Variants in CDC42BPA observed in about 807,000 individuals in gnomAD.
The protein encoded by CDC42BPA is CDC42 binding protein kinase alpha, also known as serine/threonine-protein kinase MRCK alpha.
A neutral mutation model predicts 223.5 loss-of-function variants in CDC42BPA; 80 were observed. The observed-to-expected ratio is 0.36, with a 90% CI of 0.30 to 0.43. The LOEUF (loss-of-function observed/expected upper bound fraction) is 0.43. Ranked by LOEUF, CDC42BPA falls within the 20% of genes least tolerant of loss-of-function variation. CDC42BPA has a pLI of 1.00. For synonymous variants in CDC42BPA, 694 were observed against 718.6 expected (o/e 0.97, Z 0.55); for missense variants, 1,743 against 2,099.9 (o/e 0.83, Z 3.32).
intron 2 of CDC42BPA, among the ~76,000 whole-genome samples, chr1:227,227,597 T>C (rs1341484886): frequency 1.3e-5 from 2 of 152,184 alleles, no homozygotes; most frequent in Non-Finnish European, 2.9e-5. Context: ...GGCATCAAAA[T>C]TAAGTGCATC....
At chr1:227,058,467 T>C (rs771768297) in intron 21 of CDC42BPA, among the ~76,000 whole-genome samples, 3 of 152,212 alleles carry the variant, frequency 2.0e-5, no homozygotes, top group Non-Finnish European at 4.4e-5. Flanking sequence ...CGGAGATGAC[T>C]GGTGAACATT....
At chr1:227,276,593 A>G (rs1687100045) in intron 1 of CDC42BPA, among the ~76,000 whole-genome samples, 1 of 152,196 alleles carries the variant, frequency 6.6e-6, no homozygotes. Context: ...CAGCTCCTTG[A>G]GAGCGGGCCA....
intron 32 of CDC42BPA, among the ~76,000 whole-genome samples, 153 bp downstream of exon 32, chr1:227,023,110 A>C (rs1019933720): frequency 6.6e-6 from 1 of 152,204 alleles, no homozygotes; most frequent in Non-Finnish European, 1.5e-5. Flanking sequence ...ATATATTAAG[A>C]ATGTGATAGT....
In CDC42BPA at chr1:227,127,797, T is replaced by C. The variant is rs79869925; in HGVS notation, c.1513+1312A>G. Among the ~76,000 whole-genome samples, 703 of 152,316 alleles carry C rather than the reference T, an allele frequency of 4.6e-3. 6 individuals are homozygous for C. The highest frequency in any genetic ancestry group is 0.016 in the African/African-American group (677 of 41,564). ...ATTATGCTCAAAACTAAGATCTCCA[T>C]ATATTTAATATAAACAAAGTATTAA... On this transcript the variant is annotated intron_variant, in intron 11 of 36. Coordinates refer to ENST00000366766, the MANE Select transcript of CDC42BPA (RefSeq NM_001394014.1).
chr1:227,104,038 A>G (rs1461248824), intron 14 of CDC42BPA, among the ~76,000 whole-genome samples: 1 of 152,136 alleles, frequency 6.6e-6, no homozygotes, highest in Admixed American at 6.6e-5. Context: ...TCAAAAAGTA[A>G]AATTTTTACT....
chr1:227,055,678 T>C (rs1674399159), intron 21 of CDC42BPA, among the ~76,000 whole-genome samples: 2 of 152,134 alleles, frequency 1.3e-5, no homozygotes, highest in Admixed American at 6.6e-5. Context: ...GCTAAAATAC[T>C]ATAGCATTAA....
intron 24 of CDC42BPA, 65 bp from the exon 25 acceptor site, chr1:227,035,672 C>A: frequency 8.5e-7 from 1 of 1,178,492 alleles, no homozygotes; most frequent in Non-Finnish European, 1.2e-6. Context: ...ATTCGTAACA[C>A]TCACTGCATA....
At chr1:227,181,036 A>T (rs1667848220) in intron 5 of CDC42BPA, among the ~76,000 whole-genome samples, 1 of 152,272 alleles carries the variant, frequency 6.6e-6, no homozygotes, top group African/African-American at 2.4e-5. Flanking sequence ...TCTACTCCCA[A>T]ATTTTGTATT....
intron 9 of CDC42BPA, among the ~76,000 whole-genome samples, chr1:227,142,457 A>T (rs1659861367): frequency 1.3e-5 from 2 of 152,204 alleles, no homozygotes. Context: ...CTCCAAAACG[A>T]GTTAAGATTT....
chr1:227,019,933 G>A (rs1341204185), intron 32 of CDC42BPA, among the ~76,000 whole-genome samples: 1 of 150,514 alleles, frequency 6.6e-6, no homozygotes, highest in African/African-American at 2.4e-5. Flanking sequence ...TTTCGCCCTT[G>A]TTGCCCAGGC....
intron 1 of CDC42BPA, among the ~76,000 whole-genome samples, chr1:227,287,365 T>C (rs1302800470): frequency 6.6e-6 from 1 of 152,236 alleles, no homozygotes; most frequent in African/African-American, 2.4e-5. Flanking sequence ...CTGGTAAGAA[T>C]GGCTCACTGT....
chr1:227,121,428 T>C (rs556594551), intron 11 of CDC42BPA, among the ~76,000 whole-genome samples: 28 of 152,366 alleles, frequency 1.8e-4, no homozygotes, highest in Admixed American at 9.8e-4. Context: ...GTATCATGCA[T>C]TGTATAGTTC....
At chr1:227,179,279 A>G (rs1374268220) in intron 5 of CDC42BPA, among the ~76,000 whole-genome samples, 1 of 152,178 alleles carries the variant, frequency 6.6e-6, no homozygotes, top group South Asian at 2.1e-4. Context: ...AATATCTGTG[A>G]ATATACCAAA....
rs749021206 is a variant in CDC42BPA, at chr1:227,069,764, G to C, written c.2904+13C>G. On this transcript the variant is annotated intron_variant, in intron 21 of 36. Transcript: ENST00000366766. ...ATTGACCCCAGAGGATATGTGACAT[G>C]TTTAATACTTACTTCAAATTGATCC... 137 of 1,577,376 alleles carry C rather than the reference G, an allele frequency of 8.7e-5. No homozygotes were observed. The highest frequency in any genetic ancestry group is 4.3e-5 in the Non-Finnish European group (49 of 1,147,738).
chr1:227,289,229 G>A (rs2148640384), intron 1 of CDC42BPA, among the ~76,000 whole-genome samples: 1 of 152,188 alleles, frequency 6.6e-6, no homozygotes, highest in South Asian at 2.1e-4. Context: ...TTAACCCTTA[G>A]AGGAAAATAT....
chr1:227,064,957 C>T lies in CDC42BPA; in HGVS notation c.2904+4820G>A, dbSNP rs533728001. Among the ~76,000 whole-genome samples, 910 of 151,994 alleles carry T rather than the reference C, an allele frequency of 6.0e-3. 10 individuals carry two copies. The highest frequency in any genetic ancestry group is 0.021 in the African/African-American group (854 of 41,454). On this transcript the variant is annotated intron_variant, in intron 21 of 36. Transcript: ENST00000366766. ...CTAAAAATACAAAAAATTAGCCGGG[C>T]GTGGTGGTGGGCACCTGTGGTCCCA...
chr1:227,251,622 C>T (rs935212251), intron 2 of CDC42BPA, among the ~76,000 whole-genome samples: 1 of 152,012 alleles, frequency 6.6e-6, no homozygotes, highest in Non-Finnish European at 1.5e-5. Flanking sequence ...AATCAAAAAA[C>T]ACTATAGAGA....
chr1:227,167,558 T>C (rs750396048), intron 5 of CDC42BPA, among the ~76,000 whole-genome samples: 9 of 152,202 alleles, frequency 5.9e-5, no homozygotes, highest in Non-Finnish European at 1.0e-4. Flanking sequence ...AGAAGCATAA[T>C]TTCCATTCCC....
At chr1:227,132,547 T>A (rs3119697) in intron 10 of CDC42BPA, among the ~76,000 whole-genome samples, 1 of 132,134 alleles carries the variant, frequency 7.6e-6, no homozygotes, top group African/African-American at 3.0e-5. Context: ...TCTGCCTGGC[T>A]GCCACCCCGT....
Sources: allele counts gnomAD v4.1 joint callset (sites outside exome capture counted in the v4.1 genomes callset), GRCh38; gene constraint gnomAD v4.1.1; transcripts MANE v1.5; gene names NCBI Gene and HGNC (gene_info 2026-07-23, HGNC 2026-07-21).